Variants in GTF2IRD2B observed in about 807,000 individuals in gnomAD.
GTF2IRD2B encodes GTF2I repeat domain containing 2B.
In GTF2IRD2B, 10 loss-of-function variants were observed where a neutral mutation model predicts 55.6. That is an observed-to-expected ratio of 0.18 (90% CI 0.11 to 0.31). The LOEUF is 0.31. GTF2IRD2B is among the 10% of genes least tolerant of loss of function. The pLI is 1.00. For missense variants in GTF2IRD2B, 206 were observed against 802.7 expected (o/e 0.26, Z 8.98); for synonymous variants, 107 against 320.5 (o/e 0.33, Z 7.12).
intron 8 of GTF2IRD2B, among the ~76,000 whole-genome samples, chr7:75,130,122 T>C (rs1554535392): frequency 1.8e-5 from 2 of 110,410 alleles, no homozygotes; most frequent in Admixed American, 1.0e-4. Flanking sequence ...TCTTTCTTTC[T>C]TTCTTTCTTT....
At chr7:75,114,856 G>C (rs1445157148) in intron 3 of GTF2IRD2B, among the ~76,000 whole-genome samples, 1 of 146,168 alleles carries the variant, frequency 6.8e-6, no homozygotes, top group Non-Finnish European at 1.5e-5. Flanking sequence ...GAGTGCAATG[G>C]CATGATCTTG....
At chr7:75,139,533 C>A (rs1808953860) in intron 12 of GTF2IRD2B, among the ~76,000 whole-genome samples, 1 of 109,826 alleles carries the variant, frequency 9.1e-6, no homozygotes. Flanking sequence ...ACTCGGGAGG[C>A]TGAGGCTGAA....
chr7:75,118,074 C>CAAAAAA (rs57631816), intron 3 of GTF2IRD2B, among the ~76,000 whole-genome samples: 4 of 103,794 alleles, frequency 3.9e-5, no homozygotes, highest in African/African-American at 7.0e-5. Context: ...CAGAGCAAGA[C>CAAAAAA]AAAAAAAAAA....
At position 75,109,361 on chromosome 7, in the gene GTF2IRD2B, CAG is replaced by C. The variant is rs1246358320; in HGVS notation, c.99+301_99+302del. Among the ~76,000 whole-genome samples, 202 of 147,450 alleles carry C rather than the reference CAG, an allele frequency of 1.4e-3. 2 individuals are homozygous for C. Among genetic ancestry groups the C allele is most frequent in the Middle Eastern group, 0.01 (3 of 294 alleles). On this transcript the variant is annotated intron_variant, in intron 2 of 15. Coordinates refer to ENST00000472837, the MANE Select transcript of GTF2IRD2B (RefSeq NM_001003795.3). Reference sequence around the variant, plus strand: ...GCTAATTTTTGTTTTTTTTTTGAGACAGAGTCTTGCTCTGCTGCCCAGGCTGG... The same window carrying C: ...GCTAATTTTTGTTTTTTTTTTGAGACAGTCTTGCTCTGCTGCCCAGGCTGG...
chr7:75,121,189 AC>A (rs1808353002), intron 4 of GTF2IRD2B, among the ~76,000 whole-genome samples, 179 bp downstream of exon 4: 1 of 149,288 alleles, frequency 6.7e-6, no homozygotes, highest in African/African-American at 2.4e-5. Context: ...GGCGCCCACC[AC>A]CACACCCAGC....
At chr7:75,107,426 T>A (rs1807842555) in intron 1 of GTF2IRD2B, among the ~76,000 whole-genome samples, 1 of 146,158 alleles carries the variant, frequency 6.8e-6, no homozygotes, top group African/African-American at 2.5e-5. Flanking sequence ...ATACAAAAAA[T>A]TAGCCAGGCG....
intron 15 of GTF2IRD2B, among the ~76,000 whole-genome samples, chr7:75,145,626 G>A (rs1470998856): frequency 4.1e-5 from 6 of 147,054 alleles, no homozygotes; most frequent in East Asian, 2.0e-4. Context: ...CCAGCTACTC[G>A]GGAGGCTGAG....
intron 15 of GTF2IRD2B, among the ~76,000 whole-genome samples, chr7:75,145,731 C>A (rs1246169845): frequency 1.2e-3 from 98 of 83,658 alleles, no homozygotes; most frequent in African/African-American, 2.6e-3. Flanking sequence ...GACTCTGTCT[C>A]AAAAAAAAAA....
At chr7:75,114,971 AT>A (rs1323170484) in intron 3 of GTF2IRD2B, among the ~76,000 whole-genome samples, 2 of 139,700 alleles carry the variant, frequency 1.4e-5, no homozygotes, top group Non-Finnish European at 3.1e-5. Flanking sequence ...TAATTTTTGT[AT>A]TTTTTAGTAG....
At chr7:75,145,561 C>T (rs1809119054) in intron 15 of GTF2IRD2B, among the ~76,000 whole-genome samples, 1 of 148,908 alleles carries the variant, frequency 6.7e-6, no homozygotes, top group East Asian at 2.0e-4. Flanking sequence ...GGTGAAACTC[C>T]GTCTCTACTA....
chr7:75,127,069 T>A (rs1808542072), intron 8 of GTF2IRD2B, among the ~76,000 whole-genome samples: 1 of 150,354 alleles, frequency 6.7e-6, no homozygotes, highest in Non-Finnish European at 1.5e-5. Context: ...GGTTATCATT[T>A]GACACCTTTC....
At chr7:75,109,385 C>T (rs1807895465) in intron 2 of GTF2IRD2B, among the ~76,000 whole-genome samples, 1 of 146,230 alleles carries the variant, frequency 6.8e-6, no homozygotes, top group Admixed American at 7.0e-5. Context: ...GCTGCCCAGG[C>T]TGGAGTGCAG....
chr7:75,097,254 C>T (rs1413954970), intron 1 of GTF2IRD2B, among the ~76,000 whole-genome samples: 1 of 25,964 alleles, frequency 3.9e-5, no homozygotes, highest in East Asian at 5.8e-4. Flanking sequence ...GCAGGAGAAT[C>T]GCTTGAGCCT....
chr7:75,106,181 T>C (rs1285253372), intron 1 of GTF2IRD2B, among the ~76,000 whole-genome samples: 12 of 152,304 alleles, frequency 7.9e-5, no homozygotes, highest in Non-Finnish European at 1.8e-4. Flanking sequence ...GGCGGGCAGA[T>C]CACCTGAGGT....
At chr7:75,122,315 G>A (rs1381012956) in intron 4 of GTF2IRD2B, among the ~76,000 whole-genome samples, 2 of 140,122 alleles carry the variant, frequency 1.4e-5, no homozygotes, top group Non-Finnish European at 3.0e-5. Flanking sequence ...AAAAAAATAC[G>A]CTGGGCATGG....
At chr7:75,134,748 GTA>G (rs1469938261) in intron 9 of GTF2IRD2B, among the ~76,000 whole-genome samples, 12 of 131,570 alleles carry the variant, frequency 9.1e-5, no homozygotes, top group Non-Finnish European at 9.3e-5. Context: ...GTATTTTTTT[GTA>G]GAGAAGGGGT....
intron 1 of GTF2IRD2B, among the ~76,000 whole-genome samples, chr7:75,099,518 T>TC (rs2115663982): frequency 1.9e-5 from 1 of 53,104 alleles, no homozygotes; most frequent in South Asian, 6.6e-4. Context: ...GGCGGGTGGA[T>TC]CAGGAGGTCA....
At chr7:75,117,762 T>G (rs1264614238) in intron 3 of GTF2IRD2B, among the ~76,000 whole-genome samples, 1 of 152,280 alleles carries the variant, frequency 6.6e-6, no homozygotes, top group African/African-American at 2.4e-5. Flanking sequence ...TACATTGGCC[T>G]TTTTTCTTTT....
intron 8 of GTF2IRD2B, among the ~76,000 whole-genome samples, chr7:75,132,548 C>CTTT (rs1159887977): frequency 0.04 from 3,403 of 85,594 alleles, 49 homozygotes; most frequent in Non-Finnish European, 0.054. Context: ...CTCCTTCCTT[C>CTTT]TTTTTTTTTT....
Sources: allele counts gnomAD v4.1 joint callset (sites outside exome capture counted in the v4.1 genomes callset), GRCh38; gene constraint gnomAD v4.1.1; transcripts MANE v1.5; gene names NCBI Gene and HGNC (gene_info 2026-07-23, HGNC 2026-07-21).